The following MAK16 variants were observed in gnomAD, a reference collection of about 807,000 sequenced individuals.
MAK16 encodes protein MAK16 homolog.
In MAK16, 12 loss-of-function variants were observed where a neutral mutation model predicts 49.9. The ratio of observed to expected loss-of-function variants is 0.24; its 90% CI spans 0.15 to 0.39. MAK16 has a LOEUF of 0.39. Ranked by LOEUF, MAK16 falls within the 10% of genes least tolerant of loss-of-function variation. MAK16 has a pLI of 1.00. For missense variants in MAK16, 292 were observed against 363.7 expected, an observed-to-expected ratio of 0.80 and a Z score of 1.60; for synonymous variants, 115 against 126.4, an observed-to-expected ratio of 0.91 and a Z score of 0.60.
At chr8:33,490,925 C>T (rs1347920670) in intron 6 of MAK16, among the ~76,000 whole-genome samples, 6 of 152,048 alleles carry the variant, frequency 3.9e-5, no homozygotes, top group Non-Finnish European at 5.9e-5. Context: ...ATTAATCATC[C>T]CCACCCCCAT....
Position 33,490,320 on chromosome 8 carries a change from G to A in MAK16, c.428G>A (p.Arg143His), listed in dbSNP as rs369140056. 20 of 1,612,804 alleles carry A rather than the reference G, an allele frequency of 1.2e-5. No individual in the cohort carries two copies. The highest frequency in any genetic ancestry group is 3.3e-5 in the South Asian group (3 of 91,016). ...GTTCCTTTGAGTAAGAAGGTGGAGC[G>A]TAGGGAGAAAAGAAGAGAGGTAACT... ...KLVPLSKKVERREKRREEKAL... is the reference protein window; with the variant it reads ...KLVPLSKKVEHREKRREEKAL... The change falls in exon 6 of 10, where the codon CGT becomes CAT. Residue 143 changes from arginine to histidine, a missense_variant. Arg to His is a conservative substitution (Grantham distance 29). Transcript: ENST00000360128.
chr8:33,498,284 A>AAG (rs1417879029), intron 9 of MAK16, 148 bp from the exon 10 acceptor site: 4 of 715,606 alleles, frequency 5.6e-6, no homozygotes, highest in Non-Finnish European at 2.2e-6. Flanking sequence ...AAAAAAAAAA[A>AAG]AAAAAAAATT....
At chr8:33,494,928 G>A (rs956112478) in intron 6 of MAK16, among the ~76,000 whole-genome samples, 2 of 152,020 alleles carry the variant, frequency 1.3e-5, no homozygotes, top group African/African-American at 4.8e-5. Flanking sequence ...ATAGGCGCCC[G>A]CTAACATGCC....
intron 6 of MAK16, among the ~76,000 whole-genome samples, chr8:33,490,759 C>T (rs1808764918): frequency 6.6e-6 from 1 of 152,160 alleles, no homozygotes; most frequent in Non-Finnish European, 1.5e-5. Context: ...GTATCCGTCC[C>T]CTCAAGCATT....
At chr8:33,495,500 A>G in intron 6 of MAK16, 42 bp from the exon 7 acceptor site, 1 of 1,500,738 alleles carries the variant, frequency 6.7e-7, no homozygotes, top group Non-Finnish European at 9.2e-7. Flanking sequence ...ATGAGTAATG[A>G]GCACTGATGA....
At position 33,490,953 on chromosome 8, in the gene MAK16, G is replaced by A. The variant is rs542242818; in HGVS notation, c.447+614G>A. Among the ~76,000 whole-genome samples the A allele has an allele frequency of 8.5e-4, 129 of 152,056 alleles. 1 individual carries two copies. Among genetic ancestry groups the A allele is most frequent in the Middle Eastern group, 6.8e-3 (2 of 294 alleles). On this transcript the variant is annotated intron_variant, in intron 6 of 9. Coordinates refer to ENST00000360128, the MANE Select transcript of MAK16 (RefSeq NM_032509.4). ...ACCCCCATTACCCTTCCCAGCCTCT[G>A]GTAACCATCCTTCTACTCTGTATAT...
chr8:33,498,656 A>G lies in MAK16; in HGVS notation c.*27A>G. 6.5e-7 allele frequency: 1 copy of G among 1,549,484 alleles called. No individual in the cohort carries two copies. Among genetic ancestry groups the G allele is most frequent in the Non-Finnish European group, 8.8e-7 (1 of 1,134,168 alleles). ...TTCCCTTTCAGCATTTATACCCAGG[A>G]CTGAACATGCAGAACTGTTTTTTTT... On this transcript the variant is annotated 3_prime_UTR_variant, in exon 10 of 10. Coordinates refer to ENST00000360128, the MANE Select transcript of MAK16 (RefSeq NM_032509.4).
chr8:33,489,152 ATCAT>A lies in MAK16; in HGVS notation c.392+19_392+22del. 1 of 1,591,108 alleles carries A rather than the reference ATCAT, an allele frequency of 6.3e-7. No homozygotes were observed. Among genetic ancestry groups the A allele is most frequent in the Non-Finnish European group, 8.6e-7 (1 of 1,168,264 alleles). ...CACTAAAGCGACAGTAAGTATTTGG[ATCAT>A]TCATTATTTTTAAATCTCTCTTTTT... On this transcript the variant is annotated intron_variant, in intron 5 of 9. Transcript: ENST00000360128. The surrounding 1 kb of genome is among the most constrained non-coding windows in gnomAD (Gnocchi z 4.2).
intron 5 of MAK16, 113 bp from the exon 6 acceptor site, chr8:33,490,172 C>T (rs1563346356): frequency 2.5e-6 from 2 of 805,404 alleles, no homozygotes; most frequent in East Asian, 2.6e-5. Flanking sequence ...TCCTGCCCTG[C>T]ACATGAGTAG....
At chr8:33,485,249 C>T in intron 1 of MAK16, 28 bp downstream of exon 1, 2 of 1,614,134 alleles carry the variant, frequency 1.2e-6, no homozygotes, top group Non-Finnish European at 1.7e-6. Context: ...GTTCTTACAC[C>T]CGGGGTTTGC....
At chr8:33,497,600 C>T (rs1808895562) in intron 9 of MAK16, among the ~76,000 whole-genome samples, 1 of 151,858 alleles carries the variant, frequency 6.6e-6, no homozygotes, top group East Asian at 2.0e-4. Flanking sequence ...TCAAGCGATT[C>T]TCCTCCTTCA....
rs907596214 is a variant in MAK16, at chr8:33,498,578, A to G, written c.852A>G (p.Glu284=). The change falls in exon 10 of 10, where the codon GAA becomes GAG. Residue 284 remains glutamate (E), a synonymous_variant. Coordinates refer to ENST00000360128, the MANE Select transcript of MAK16 (RefSeq NM_032509.4). The stretch of plus-strand genomic sequence containing the variant: ...TGCAGAGAAAACGAGCCTATGTGGA[A>G]ATAGAATACGAGCAGGAGACAGAGC... ...GPLQRKRAYV[E]IEYEQETEPV... 3 of 1,614,194 alleles carry G rather than the reference A, an allele frequency of 1.9e-6. No individual in the cohort carries two copies. The highest frequency in any genetic ancestry group is 2.5e-6 in the Non-Finnish European group (3 of 1,180,024).
intron 1 of MAK16, 156 bp downstream of exon 1, chr8:33,485,377 C>A: frequency 2.0e-6 from 2 of 985,136 alleles, no homozygotes; most frequent in Non-Finnish European, 3.1e-6. Flanking sequence ...TAGGTTCTCA[C>A]GCGTGTCTAG....
At chr8:33,495,192 C>T (rs547526365) in intron 6 of MAK16, among the ~76,000 whole-genome samples, 2 of 152,162 alleles carry the variant, frequency 1.3e-5, no homozygotes, top group Non-Finnish European at 2.9e-5. Flanking sequence ...GATTTCTGTT[C>T]TCTTTTCTCA....
Position 33,499,361 on chromosome 8 carries a change from C to T in MAK16, c.*732C>T. ...TTGCTTGATTCTTCTTCCTTGGTAT[C>T]ATATTCAAAGGAGGAAAGAATGGAT... On this transcript the variant is annotated 3_prime_UTR_variant, in exon 10 of 10. Transcript: ENST00000360128. 1 of 993,670 alleles carries T rather than the reference C, an allele frequency of 1.0e-6. No individual in the cohort carries two copies. The highest frequency in any genetic ancestry group is 1.6e-6 in the Non-Finnish European group (1 of 634,904). The allele number at this position is 993,670 out of a possible 1,614,324, so 61.6% of individuals were successfully genotyped here.
In MAK16 at chr8:33,488,716, A is replaced by G; in HGVS notation, c.176-18A>G. The G allele has an allele frequency of 1.2e-6, 2 of 1,613,834 alleles. No individual in the cohort carries two copies. Among genetic ancestry groups the G allele is most frequent in the Non-Finnish European group, 1.7e-6 (2 of 1,179,738 alleles). ...AGTTTCTGTAAATAACACTAAAGCT[A>G]TTTTACTTTATCTTCAGGACAGTGC... On this transcript the variant is annotated intron_variant, in intron 3 of 9. Transcript: ENST00000360128.
chr8:33,488,080 C>T (rs1003265715), intron 1 of MAK16, among the ~76,000 whole-genome samples: 4 of 152,166 alleles, frequency 2.6e-5, no homozygotes, highest in African/African-American at 9.7e-5. Context: ...AGGCATGCGC[C>T]ACCATGCCCA....
At chr8:33,485,473 T>A (rs1019880405) in intron 1 of MAK16, 4 of 573,966 alleles carry the variant, frequency 7.0e-6, no homozygotes, top group Middle Eastern at 3.3e-4. Flanking sequence ...GTCCCGTCCT[T>A]CGTGCCTACC....
In MAK16 at chr8:33,500,570, G is replaced by A; in HGVS notation, c.*1941G>A. 1 of 1,536,536 alleles carries A rather than the reference G, an allele frequency of 6.5e-7. No homozygotes were observed. The highest frequency in any genetic ancestry group is 1.2e-5 in the South Asian group (1 of 84,662). On this transcript the variant is annotated 3_prime_UTR_variant, in exon 10 of 10. Transcript: ENST00000360128. ...GAAGAGACTTCAAAGACTGTCAAGT[G>A]GAAAGCTATCATTTCCTAAATTAAG...
Sources: gnomAD v4.1 joint callset for allele counts (sites outside exome capture counted in the v4.1 genomes callset) on GRCh38, gnomAD v4.1.1 for gene constraint, Gnocchi (gnomAD v3.1) non-coding constraint, MANE v1.5 for transcripts, NCBI Gene and HGNC (gene_info 2026-07-23, HGNC 2026-07-21) for gene names.